EIPR1: variants seen among roughly 807,000 people sequenced by gnomAD.
EIPR1 encodes EARP and GARP complex-interacting protein 1.
Under a neutral mutation model 48.1 loss-of-function variants are expected in EIPR1, and 25 were observed. The ratio of observed to expected loss-of-function variants is 0.52; its 90% CI spans 0.38 to 0.73. The LOEUF is 0.73. EIPR1 is among the 30% of genes least tolerant of loss of function. The probability of loss-of-function intolerance (pLI) is 0.00; values close to 1 mark genes in which losing one functional copy is unlikely to be tolerated. For synonymous variants in EIPR1, 204 were observed against 201.9 expected, an observed-to-expected ratio of 1.01 and a Z score of -0.09; for missense variants, 415 against 506.2, an observed-to-expected ratio of 0.82 and a Z score of 1.73.
chr2:3,317,100 G>T (rs1019811182), intron 3 of EIPR1, among the ~76,000 whole-genome samples: 1 of 151,502 alleles, frequency 6.6e-6, no homozygotes, highest in Non-Finnish European at 1.5e-5. Context: ...CGAGCTGAGG[G>T]CCTACTGTGT....
intron 3 of EIPR1, among the ~76,000 whole-genome samples, chr2:3,270,325 G>T (rs1468887545): frequency 6.6e-6 from 1 of 152,194 alleles, no homozygotes; most frequent in African/African-American, 2.4e-5. Context: ...AGAGGGCCTG[G>T]GGTGTGTCAG....
chr2:3,318,162 C>A (rs1669371355), intron 3 of EIPR1, among the ~76,000 whole-genome samples: 1 of 152,230 alleles, frequency 6.6e-6, no homozygotes, highest in African/African-American at 2.4e-5. Flanking sequence ...GGGCAGGGCG[C>A]AGACCAGCAG....
At chr2:3,321,015 CG>C (rs1426032399) in intron 3 of EIPR1, among the ~76,000 whole-genome samples, 5 of 152,166 alleles carry the variant, frequency 3.3e-5, no homozygotes, top group African/African-American at 1.2e-4. Context: ...AAATTAAAGA[CG>C]GGCTGGCACT....
intron 4 of EIPR1, among the ~76,000 whole-genome samples, chr2:3,244,727 C>G (rs1390689632): frequency 6.6e-6 from 1 of 152,202 alleles, no homozygotes; most frequent in East Asian, 1.9e-4. Flanking sequence ...TCCCAACCTC[C>G]AGAACTTATA....
At chr2:3,207,137 C>T (rs529051437) in intron 5 of EIPR1, among the ~76,000 whole-genome samples, 82 of 152,252 alleles carry the variant, frequency 5.4e-4, no homozygotes, top group African/African-American at 2.0e-3. Context: ...ATCCATGTAC[C>T]CACACACCCA....
intron 1 of EIPR1, among the ~76,000 whole-genome samples, chr2:3,368,524 T>C (rs1382219803): frequency 6.6e-6 from 1 of 152,154 alleles, no homozygotes; most frequent in African/African-American, 2.4e-5. Context: ...GACCTACACA[T>C]GGGCAGAGCC....
intron 3 of EIPR1, among the ~76,000 whole-genome samples, chr2:3,309,022 A>C (rs1669040753): frequency 6.6e-6 from 1 of 152,234 alleles, no homozygotes; most frequent in Non-Finnish European, 1.5e-5. Flanking sequence ...AATTATAATG[A>C]AAAAAGGCTT....
intron 5 of EIPR1, among the ~76,000 whole-genome samples, chr2:3,199,082 T>G: frequency 1.5e-5 from 1 of 65,076 alleles, no homozygotes; most frequent in African/African-American, 5.7e-5. Context: ...GCCCCGGGAA[T>G]GCATTCTTTT....
intron 4 of EIPR1, among the ~76,000 whole-genome samples, chr2:3,237,888 A>G (rs943974816): frequency 3.9e-5 from 6 of 152,356 alleles, no homozygotes; most frequent in African/African-American, 1.2e-4. Flanking sequence ...CGCTGTTATC[A>G]GACGCGAAGA....
At chr2:3,192,723 G>C in intron 7 of EIPR1, 142 bp from the exon 8 acceptor site, 1 of 764,646 alleles carries the variant, frequency 1.3e-6, no homozygotes. Context: ...CACAGGGCCT[G>C]ACATAAGGCA....
At position 3,194,696 on chromosome 2, in the gene EIPR1, AG is replaced by A. The variant is rs66959073; in HGVS notation, c.654-531del. ...TATATATATACAGAGAGAGAGAGAA[AG>A]GGGGGGGCAGTGGGGAAGGCCATGG... On this transcript the variant is annotated intron_variant, in intron 6 of 8. Coordinates refer to ENST00000382125, the MANE Select transcript of EIPR1 (RefSeq NM_003310.5). 4.8e-3 allele frequency among the ~76,000 whole-genome samples: 721 copies of A among 150,626 alleles called. 13 individuals carry two copies. The highest frequency in any genetic ancestry group is 0.016 in the African/African-American group (662 of 40,718).
rs142896750 is a variant in EIPR1 at position 3,319,006 on chromosome 2, C to T, written c.259+19011G>A. 591 of 468,186 alleles carry T rather than the reference C, an allele frequency of 1.3e-3. 13 individuals carry two copies. The East Asian group carries it at 0.035, about 28-fold the overall frequency. The allele number at this position is 468,186 out of a possible 1,614,324, so 29.0% of individuals were successfully genotyped here. A position where few individuals can be genotyped will look rare whatever the true frequency, so the allele number is the denominator to read the frequency against. ...AGATACTTGGAACTTACCCCAGCAACAAAATAGTTGGGTCCATAACATCTA... is the reference window on the plus strand; with the variant it reads ...AGATACTTGGAACTTACCCCAGCAATAAAATAGTTGGGTCCATAACATCTA... On this transcript the variant is annotated intron_variant, in intron 3 of 8. Coordinates refer to ENST00000382125, the MANE Select transcript of EIPR1 (RefSeq NM_003310.5).
intron 4 of EIPR1, among the ~76,000 whole-genome samples, chr2:3,224,207 C>T (rs1665987019): frequency 6.6e-6 from 1 of 152,158 alleles, no homozygotes; most frequent in Non-Finnish European, 1.5e-5. Flanking sequence ...TTGCCGTTTT[C>T]CATCATTAAA....
intron 1 of EIPR1, among the ~76,000 whole-genome samples, chr2:3,360,414 A>G (rs1410144389): frequency 6.6e-6 from 1 of 151,666 alleles, no homozygotes; most frequent in Non-Finnish European, 1.5e-5. Context: ...CAAAAAAAAA[A>G]AAAAGAAAGA....
At chr2:3,262,836 A>C (rs953380508) in intron 3 of EIPR1, among the ~76,000 whole-genome samples, 1 of 152,206 alleles carries the variant, frequency 6.6e-6, no homozygotes, top group Non-Finnish European at 1.5e-5. Flanking sequence ...ACTCATGAGA[A>C]GAGCTCAGTC....
At chr2:3,277,437 CA>C (rs1365828692) in intron 3 of EIPR1, among the ~76,000 whole-genome samples, 2 of 152,218 alleles carry the variant, frequency 1.3e-5, no homozygotes, top group Non-Finnish European at 1.5e-5. Flanking sequence ...GACCCCATGT[CA>C]AAGATGAACA....
At chr2:3,354,209 G>A (rs901190221) in intron 2 of EIPR1, among the ~76,000 whole-genome samples, 2 of 152,144 alleles carry the variant, frequency 1.3e-5, no homozygotes, top group Non-Finnish European at 2.9e-5. Flanking sequence ...AGTTCTATGA[G>A]CAATTAAAGA....
intron 3 of EIPR1, among the ~76,000 whole-genome samples, chr2:3,287,613 T>G (rs1297402234): frequency 7.2e-6 from 1 of 139,694 alleles, no homozygotes; most frequent in Non-Finnish European, 1.5e-5. Flanking sequence ...GAAAGTTCAT[T>G]CAGGCTCCAG....
intron 3 of EIPR1, among the ~76,000 whole-genome samples, chr2:3,332,348 C>A (rs553292585): frequency 6.6e-6 from 1 of 152,182 alleles, no homozygotes. Context: ...CTGGAAGTAC[C>A]CGGCAGCTCC....
Sources: allele counts gnomAD v4.1 joint callset (sites outside exome capture counted in the v4.1 genomes callset), GRCh38; gene constraint gnomAD v4.1.1; transcripts MANE v1.5; gene names NCBI Gene and HGNC (gene_info 2026-07-23, HGNC 2026-07-21).